CCDC142: variants seen among roughly 807,000 people sequenced by gnomAD.
The protein encoded by CCDC142 is coiled-coil domain containing 142.
A neutral mutation model predicts 83.8 loss-of-function variants in CCDC142; 67 were observed. The observed-to-expected ratio is 0.80, with a 90% CI of 0.66 to 0.98. The LOEUF (loss-of-function observed/expected upper bound fraction) is 0.98, where lower values mean the gene tolerates loss of function less well. CCDC142 is among the 50% of genes least tolerant of loss of function. The pLI is 0.00. For missense variants in CCDC142, 905 were observed against 946.8 expected (o/e 0.96, Z 0.58); for synonymous variants, 421 against 421.2 (o/e 1.00, Z 0.01).
chr2:74,474,869 A>G, intron 8 of CCDC142, 47 bp downstream of exon 8: 2 of 1,579,246 alleles, frequency 1.3e-6, no homozygotes, highest in South Asian at 2.3e-5. Flanking sequence ...AATGGTGAGA[A>G]TAGGGTTTGG....
chr2:74,478,578 C>T lies in CCDC142; in HGVS notation c.1503+2191G>A, dbSNP rs568261420. ...TTTTAGTAGAGACGGGGTTTCACCA[C>T]GTTGGGCAGGCTGGTCTTGAACTCC... is the stretch of plus-strand genomic sequence containing the variant. On this transcript the variant is annotated intron_variant, in intron 5 of 8. Transcript: ENST00000393965. Among the ~76,000 whole-genome samples the T allele has an allele frequency of 2.9e-4, 44 of 151,462 alleles. No individual in the cohort carries two copies. The East Asian group carries it at 7.5e-3, about 26-fold the overall frequency.
At position 74,474,903 on chromosome 2, in the gene CCDC142, G is replaced by A; in HGVS notation, c.1996+13C>T. ...GGGACACACAAAGCAGTGAGCGAAG[G>A]GGAGTAACTCACAGCAACAGGGGGG... On this transcript the variant is annotated intron_variant, in intron 8 of 8. Coordinates refer to ENST00000393965, the MANE Select transcript of CCDC142 (RefSeq NM_001365575.2). The A allele has an allele frequency of 6.3e-7, 1 of 1,585,562 alleles. No homozygotes were observed. Among genetic ancestry groups the A allele is most frequent in the South Asian group, 1.2e-5 (1 of 86,416 alleles).
chr2:74,475,499 T>C, intron 6 of CCDC142, 97 bp from the exon 7 acceptor site: 1 of 1,467,714 alleles, frequency 6.8e-7, no homozygotes, highest in Non-Finnish European at 9.3e-7. Context: ...GAGGGAAGGG[T>C]ACAGAAGCTG....
In CCDC142 at chr2:74,481,513, C is replaced by T. The variant is rs371030405; in HGVS notation, c.1047G>A (p.Lys349=). The part of the protein sequence containing the change: ...GQASLPQECE[K]ELASLCHRLL... ...GTCTGTGACACAAAGATGCCAGCTC[C>T]TTCTCACACTCCTGAGGCAGGGATG... The change falls in exon 2 of 9, where the codon AAG becomes AAA. Residue 349 remains lysine, a synonymous_variant. Coordinates refer to ENST00000393965, the MANE Select transcript of CCDC142 (RefSeq NM_001365575.2). 4.3e-6 allele frequency: 7 copies of T among 1,614,092 alleles called. No homozygotes were observed. The highest frequency in any genetic ancestry group is 1.3e-5 in the African/African-American group (1 of 74,938).
Position 74,482,484 on chromosome 2 carries a change from A to T in CCDC142, c.354T>A (p.Ala118=), listed in dbSNP as rs1169064269. ...GACTCAGGGTCTTCATGAGTCGCAC[A>T]GCCGACTGTAGGTGGTAGGCGCAGT... The part of the protein sequence containing the change: ...ARDCAYHLQS[A]VRLMKTLSPG... The change falls in exon 1 of 9, where the codon GCT becomes GCA. Residue 118 remains alanine (A), a synonymous_variant. Coordinates refer to ENST00000393965, the MANE Select transcript of CCDC142 (RefSeq NM_001365575.2). This position sits in a 1 kb window ranked among gnomAD's most constrained non-coding sequence, Gnocchi z 5.0. 4 of 1,553,708 alleles carry T rather than the reference A, an allele frequency of 2.6e-6. No homozygotes were observed. Among genetic ancestry groups the T allele is most frequent in the Non-Finnish European group, 3.5e-6 (4 of 1,147,506 alleles).
chr2:74,482,735 G>T lies in CCDC142; in HGVS notation c.103C>A (p.Arg35=), dbSNP rs201638890. 3 of 1,603,784 alleles carry T rather than the reference G, an allele frequency of 1.9e-6. No individual in the cohort carries two copies. Among genetic ancestry groups the T allele is most frequent in the Admixed American group, 1.7e-5 (1 of 60,026 alleles). ...ACCTCCCAGCGAAGACCGCCCGTTCGACTTCTCTCCCACTGCTCCTCCCCA... is the reference window on the plus strand; with the variant it reads ...ACCTCCCAGCGAAGACCGCCCGTTCTACTTCTCTCCCACTGCTCCTCCCCA... ...GTGEEQWERS[R]TGGLRWEVHC... The change falls in exon 1 of 9, where the codon CGA becomes AGA. Residue 35 remains arginine, a synonymous_variant. Transcript: ENST00000393965. This position sits in a 1 kb window ranked among gnomAD's most constrained non-coding sequence, Gnocchi z 5.0.
In CCDC142 at chr2:74,482,507, A is replaced by C. The variant is rs201281840; in HGVS notation, c.331T>G (p.Cys111Gly). The change falls in exon 1 of 9, where the codon TGC becomes GGC. Residue 111 changes from cysteine to glycine, a missense_variant. Cys to Gly is a radical substitution (Grantham distance 159, BLOSUM62 -3). Transcript: ENST00000393965. This position sits in a 1 kb window ranked among gnomAD's most constrained non-coding sequence, Gnocchi z 5.0. ...EREQLLQARD[C>G]AYHLQSAVRL... ...ACAGCCGACTGTAGGTGGTAGGCGC[A>C]GTCTCGGGCCTGGAGGAGCTGCTCC... is the stretch of plus-strand genomic sequence containing the variant. 2.6e-6 allele frequency: 4 copies of C among 1,566,598 alleles called. No homozygotes were observed. The East Asian group carries it at 9.6e-5, about 38-fold the overall frequency.
Position 74,481,083 on chromosome 2 carries a change from G to A in CCDC142, c.1262C>T (p.Pro421Leu). ...ACAGAGACCTAGGGCGACAGGCGCA[G>A]GATCTGGGGATTTGAGCAGCAGAGT... Reference protein sequence around the residue: ...LRRIFCQPADPAPVALGLCTL... With the variant: ...LRRIFCQPADLAPVALGLCTL... The change falls in exon 4 of 9, where the codon CCT (proline) becomes CTT (leucine). Residue 421 changes from proline (P) to leucine (L), a missense_variant. Around this residue, in one of 3 missense-constraint regions of CCDC142, gnomAD observed 591 missense variants for 571.4 expected, o/e 1.03. Coordinates refer to ENST00000393965, the MANE Select transcript of CCDC142 (RefSeq NM_001365575.2). The A allele has an allele frequency of 6.2e-7, 1 of 1,611,752 alleles. No homozygotes were observed. The highest frequency in any genetic ancestry group is 8.5e-7 in the Non-Finnish European group (1 of 1,177,940).
chr2:74,474,958 G>A lies in CCDC142; in HGVS notation c.1954C>T (p.Pro652Ser). The change falls in exon 8 of 9, where the codon CCC becomes TCC. Residue 652 changes from proline (P) to serine (S), a missense_variant. By Grantham distance (74) the Pro-to-Ser change is moderately conservative. This residue lies in a region of CCDC142 where 265 missense variants were observed against 288.9 expected (regional missense o/e 0.92). Coordinates refer to ENST00000393965, the MANE Select transcript of CCDC142 (RefSeq NM_001365575.2). ...DGALLCLLQQ[P>S]LPKSQVHRRP... is the part of the protein sequence containing the mutation. ...CTGTGGACTTGAGACTTGGGCAGGG[G>A]CTGCTGCAACAGACACAGCAGGGCC... 3 of 1,609,012 alleles carry A rather than the reference G, an allele frequency of 1.9e-6. No individual in the cohort carries two copies. Among genetic ancestry groups the A allele is most frequent in the Non-Finnish European group, 2.5e-6 (3 of 1,177,216 alleles).
At position 74,475,295 on chromosome 2, in the gene CCDC142, G is replaced by A; in HGVS notation, c.1726C>T (p.Leu576Phe). ...GLPPQAQAPA[L>F]GQALTAIVGA... ...ACGATGGCCGTCAGAGCCTGACCAA[G>A]GGCAGGGGCCTGGGCTTGAGGTGGC... is the stretch of plus-strand genomic sequence containing the variant. The change falls in exon 7 of 9, where the codon CTT (leucine) becomes TTT (phenylalanine). Residue 576 changes from leucine (L) to phenylalanine (F), a missense_variant. By Grantham distance (22) the Leu-to-Phe change is conservative (BLOSUM62 0). Transcript: ENST00000393965. 6.2e-7 allele frequency: 1 copy of A among 1,614,246 alleles called. No homozygotes were observed. The highest frequency in any genetic ancestry group is 1.3e-5 in the African/African-American group (1 of 75,070).
chr2:74,480,699 C>G, intron 5 of CCDC142, 70 bp downstream of exon 5: 1 of 1,061,900 alleles, frequency 9.4e-7, no homozygotes, highest in Non-Finnish European at 1.4e-6. Context: ...ATGTTCTACT[C>G]TTCCCACCCC....
chr2:74,477,094 C>G (rs944390674), intron 5 of CCDC142, among the ~76,000 whole-genome samples: 1 of 152,040 alleles, frequency 6.6e-6, no homozygotes, highest in Non-Finnish European at 1.5e-5. Flanking sequence ...ATCTTATAGT[C>G]CAAACAGGAA....
chr2:74,481,923 GT>G lies in CCDC142; in HGVS notation c.914del (p.Tyr305SerfsTer15). 1.9e-6 allele frequency: 3 copies of G among 1,614,112 alleles called. No individual in the cohort carries two copies. Among genetic ancestry groups the G allele is most frequent in the Non-Finnish European group, 2.5e-6 (3 of 1,180,010 alleles). Reference protein sequence around the residue: ...LGGAGALWSQYWTLLWAACAQ... With the variant: ...LGGAGALWSQXWTLLWAACAQ... ...CACAGGCTGCCCACAGCAGGGTCCA[GT>G]ATTGGCTCCACAAGGCCCCAGCCCC... On this transcript the variant is annotated frameshift_variant, in exon 1 of 9. Coordinates refer to ENST00000393965, the MANE Select transcript of CCDC142 (RefSeq NM_001365575.2). LOFTEE classifies it high-confidence loss of function.
Position 74,482,466 on chromosome 2 carries a change from G to T in CCDC142, c.372C>A (p.Thr124=), listed in dbSNP as rs1672547990. 3.2e-6 allele frequency: 5 copies of T among 1,550,914 alleles called. No homozygotes were observed. Among genetic ancestry groups the T allele is most frequent in the Non-Finnish European group, 4.4e-6 (5 of 1,145,894 alleles). The change falls in exon 1 of 9, where the codon ACC becomes ACA. Residue 124 remains threonine (T), a synonymous_variant. Coordinates refer to ENST00000393965, the MANE Select transcript of CCDC142 (RefSeq NM_001365575.2). This position sits in a 1 kb window ranked among gnomAD's most constrained non-coding sequence, Gnocchi z 5.0. The stretch of plus-strand genomic sequence containing the variant: ...CGCCGGATGGCGAGCCAGGACTCAG[G>T]GTCTTCATGAGTCGCACAGCCGACT... ...HLQSAVRLMK[T]LSPGSPSGGP... is the part of the protein sequence containing the mutation.
chr2:74,475,120 A>T lies in CCDC142; in HGVS notation c.1797-5T>A, dbSNP rs773823773. 1.9e-6 allele frequency: 3 copies of T among 1,610,326 alleles called. No homozygotes were observed. The highest frequency in any genetic ancestry group is 1.7e-6 in the Non-Finnish European group (2 of 1,177,840). ...AGCTGCAGCGCTCCCTGCAGGCTGAAGGCAGAGGTACAGTATGGCCACTTG... is the reference window on the plus strand; with the variant it reads ...AGCTGCAGCGCTCCCTGCAGGCTGATGGCAGAGGTACAGTATGGCCACTTG... On this transcript the variant is annotated splice_region_variant and splice_polypyrimidine_tract_variant and intron_variant, in intron 7 of 8. Transcript: ENST00000393965.
chr2:74,481,507 C>T lies in CCDC142; in HGVS notation c.1053G>A (p.Leu351=). The change falls in exon 2 of 9, where the codon CTG becomes CTA. Residue 351 remains leucine (L), a synonymous_variant. Transcript: ENST00000393965. The part of the protein sequence containing the change: ...ASLPQECEKE[L]ASLCHRLLHQ... ...GAAGTAGTCTGTGACACAAAGATGC[C>T]AGCTCCTTCTCACACTCCTGAGGCA... 6.2e-7 allele frequency: 1 copy of T among 1,614,154 alleles called. No individual in the cohort carries two copies.
rs778473573 is a variant in CCDC142 at position 74,480,946 on chromosome 2, A to G, written c.1389+10T>C. Reference sequence around the variant, plus strand: ...CAGGCTGCTCCCCTCCCTACTCCCCAGCCACTCACAGGTAAGTCCTTTTGG... The same window carrying G: ...CAGGCTGCTCCCCTCCCTACTCCCCGGCCACTCACAGGTAAGTCCTTTTGG... On this transcript the variant is annotated intron_variant, in intron 4 of 8. Coordinates refer to ENST00000393965, the MANE Select transcript of CCDC142 (RefSeq NM_001365575.2). 2 of 1,613,524 alleles carry G rather than the reference A, an allele frequency of 1.2e-6. No homozygotes were observed. The highest frequency in any genetic ancestry group is 1.1e-5 in the South Asian group (1 of 91,086).
intron 5 of CCDC142, among the ~76,000 whole-genome samples, chr2:74,477,219 A>G (rs1222442315): frequency 6.6e-6 from 1 of 151,936 alleles, no homozygotes; most frequent in African/African-American, 2.4e-5. Context: ...CCTGGGTTCA[A>G]CCGATTCTCA....
In CCDC142 at chr2:74,482,729, C is replaced by G; in HGVS notation, c.109G>C (p.Gly37Arg). The G allele has an allele frequency of 6.2e-7, 1 of 1,604,602 alleles. No individual in the cohort carries two copies. Among genetic ancestry groups the G allele is most frequent in the Non-Finnish European group, 8.5e-7 (1 of 1,179,984 alleles). Reference sequence around the variant, plus strand: ...CAGTGAACCTCCCAGCGAAGACCGCCCGTTCGACTTCTCTCCCACTGCTCC... The same window carrying G: ...CAGTGAACCTCCCAGCGAAGACCGCGCGTTCGACTTCTCTCCCACTGCTCC... ...GEEQWERSRTGGLRWEVHCWP... is the reference protein window; with the variant it reads ...GEEQWERSRTRGLRWEVHCWP... The change falls in exon 1 of 9, where the codon GGC becomes CGC. Residue 37 changes from glycine to arginine, a missense_variant. This residue lies in a region of CCDC142 where 591 missense variants were observed against 571.4 expected (regional missense o/e 1.03). Coordinates refer to ENST00000393965, the MANE Select transcript of CCDC142 (RefSeq NM_001365575.2). This position sits in a 1 kb window ranked among gnomAD's most constrained non-coding sequence, Gnocchi z 5.0.
Sources: allele counts gnomAD v4.1 joint callset (sites outside exome capture counted in the v4.1 genomes callset), GRCh38; gene constraint gnomAD v4.1.1; regional missense constraint gnomAD v4.1.1; non-coding constraint Gnocchi (gnomAD v3.1); transcripts MANE v1.5; gene names NCBI Gene and HGNC (gene_info 2026-07-23, HGNC 2026-07-21).